The following GIPC3 variants were observed in gnomAD, a reference collection of about 807,000 sequenced individuals.
GIPC3 encodes the protein PDZ domain-containing protein GIPC3.
A neutral mutation model predicts 27.3 loss-of-function variants in GIPC3; 16 were observed. The ratio of observed to expected loss-of-function variants is 0.59; its 90% CI spans 0.40 to 0.89. The LOEUF (loss-of-function observed/expected upper bound fraction) is 0.89, where lower values mean the gene tolerates loss of function less well. Among genes scored for constraint, GIPC3 ranks in the 40% least tolerant of loss-of-function variants. The pLI, the probability that GIPC3 is intolerant of heterozygous loss-of-function variation, is 0.00. For synonymous variants in GIPC3, 194 were observed against 184.6 expected (o/e 1.05, Z -0.41); for missense variants, 440 against 442.1 (o/e 1.00, Z 0.04).
Position 3,591,232 on chromosome 19 carries a change from C to A in GIPC3, c.*1042C>A. 1 of 1,232,950 alleles carries A rather than the reference C, an allele frequency of 8.1e-7. No individual in the cohort carries two copies. Among genetic ancestry groups the A allele is most frequent in the Non-Finnish European group, 1.0e-6 (1 of 988,582 alleles). 76.4% of individuals were successfully genotyped at this position (1,232,950 alleles called of 1,614,324 possible). A position where few individuals can be genotyped will look rare whatever the true frequency, so the allele number is the denominator to read the frequency against. On this transcript the variant is annotated 3_prime_UTR_variant, in exon 6 of 6. Transcript: ENST00000644452. ...TCTGAGGCCAAACCCAGCTCTAGAACCCAGATAAGATCTGAGACCAAGCCC... is the reference window on the plus strand; with the variant it reads ...TCTGAGGCCAAACCCAGCTCTAGAAACCAGATAAGATCTGAGACCAAGCCC...
In GIPC3 at chr19:3,591,006, A is replaced by G; in HGVS notation, c.*816A>G. On this transcript the variant is annotated 3_prime_UTR_variant, in exon 6 of 6. Coordinates refer to ENST00000644452, the MANE Select transcript of GIPC3 (RefSeq NM_133261.3). ...CCAGGCCAGCTCCGAGACCAAGCCC[A>G]GCTCTAGAACCCAGATAAGCTCTGA... 1 of 1,233,612 alleles carries G rather than the reference A, an allele frequency of 8.1e-7. No individual in the cohort carries two copies. The highest frequency in any genetic ancestry group is 1.0e-6 in the Non-Finnish European group (1 of 989,112). 76.4% of individuals were successfully genotyped at this position (1,233,612 alleles called of 1,614,324 possible).
rs2032502877 is a variant in GIPC3, at chr19:3,592,411, G to GTTCGGGAACCCAGCTGAT, written c.*2225_*2242dup. ...CAAGCCAGCTCTGGAAGTCAGCTTA[G>GTTCGGGAACCCAGCTGAT]TTCGGGAACCCAGCTGATTTCCGGA... On this transcript the variant is annotated 3_prime_UTR_variant, in exon 6 of 6. Coordinates refer to ENST00000644452, the MANE Select transcript of GIPC3 (RefSeq NM_133261.3). 2 of 1,232,064 alleles carry GTTCGGGAACCCAGCTGAT rather than the reference G, an allele frequency of 1.6e-6. No homozygotes were observed. The highest frequency in any genetic ancestry group is 2.0e-6 in the Non-Finnish European group (2 of 987,980). 76.3% of individuals were successfully genotyped at this position (1,232,064 alleles called of 1,614,324 possible).
rs779520578 is a variant in GIPC3, at chr19:3,586,847, G to T, written c.445G>T (p.Glu149Ter). Residue 149 changes from glutamate to a stop codon, truncating the protein, a stop_gained, in exon 3 of 6, where the codon GAG (glutamate) becomes TAG (stop). Transcript: ENST00000644452. LOFTEE classifies it high-confidence loss of function. ...GGAAGGCAGTATCATCAACCGGATC[G>T]AGGCAGTGTGCGTGGGTGACAGCAT... is the stretch of plus-strand genomic sequence containing the variant. ...IKEGSIINRI[E>*]AVCVGDSIEA... The T allele has an allele frequency of 6.2e-7, 1 of 1,613,526 alleles. No individual in the cohort carries two copies. The highest frequency in any genetic ancestry group is 8.5e-7 in the Non-Finnish European group (1 of 1,179,998).
Position 3,592,886 on chromosome 19 carries a change from T to C in GIPC3, c.*2696T>C. ...GCCCACAGACCCCTGGCCTTGACCC[T>C]AGAATCCAGCTTGAGGCCCCTGCCC... On this transcript the variant is annotated 3_prime_UTR_variant, in exon 6 of 6. Transcript: ENST00000644452. The C allele has an allele frequency of 8.1e-7, 1 of 1,232,122 alleles. No individual in the cohort carries two copies. The highest frequency in any genetic ancestry group is 1.0e-6 in the Non-Finnish European group (1 of 988,142). The allele number at this position is 1,232,122 out of a possible 1,614,324, so 76.3% of individuals were successfully genotyped here. A position where few individuals can be genotyped will look rare whatever the true frequency, so the allele number is the denominator to read the frequency against.
rs2032515558 is a variant in GIPC3, at chr19:3,592,986, C to T, written c.*2796C>T. 2 of 1,197,950 alleles carry T rather than the reference C, an allele frequency of 1.7e-6. No individual in the cohort carries two copies. The highest frequency in any genetic ancestry group is 2.1e-6 in the Non-Finnish European group (2 of 968,870). The allele number at this position is 1,197,950 out of a possible 1,614,324, so 74.2% of individuals were successfully genotyped here. On this transcript the variant is annotated 3_prime_UTR_variant, in exon 6 of 6. Transcript: ENST00000644452. ...CCCTAGCAAAGACCCCCAGCCTCTG[C>T]CTCAGCCCCATGATCAGGTATGTGG... is the stretch of plus-strand genomic sequence containing the variant.
At chr19:3,586,295 G>C (rs2032362807) in intron 1 of GIPC3, among the ~76,000 whole-genome samples, 200 bp from the exon 2 acceptor site, 1 of 152,076 alleles carries the variant, frequency 6.6e-6, no homozygotes, top group African/African-American at 2.4e-5. Flanking sequence ...CTGGGGGCTG[G>C]AGGTCCCGGG....
chr19:3,587,658 T>TTTTTTTTTTCC (rs1195508162), intron 3 of GIPC3, among the ~76,000 whole-genome samples: 7 of 112,314 alleles, frequency 6.2e-5, no homozygotes, highest in South Asian at 3.3e-4. Context: ...GTTTTCTTTC[T>TTTTTTTTTTCC]TTTCTTTTTT....
chr19:3,588,831 C>G (rs947984673), intron 3 of GIPC3, among the ~76,000 whole-genome samples: 2 of 151,762 alleles, frequency 1.3e-5, no homozygotes, highest in Non-Finnish European at 2.9e-5. Context: ...GTAATCCCAG[C>G]TACTCGAGAG....
chr19:3,591,317 TGAC>T lies in GIPC3; in HGVS notation c.*1128_*1130del, dbSNP rs1166457245. ...ACATCTCTAGAATCCAGCTGAGCCC[TGAC>T]AACAAGCCAAACTCTGGAACCCAGA... On this transcript the variant is annotated 3_prime_UTR_variant, in exon 6 of 6. Transcript: ENST00000644452. The T allele has an allele frequency of 1.6e-6, 2 of 1,232,328 alleles. No homozygotes were observed. The highest frequency in any genetic ancestry group is 3.1e-5 in the African/African-American group (2 of 64,364). 76.3% of individuals were successfully genotyped at this position (1,232,328 alleles called of 1,614,324 possible).
At chr19:3,586,701 G>T in intron 2 of GIPC3, 21 bp downstream of exon 2, 1 of 1,608,636 alleles carries the variant, frequency 6.2e-7, no homozygotes, top group South Asian at 1.1e-5. Context: ...GGGGGTGGGC[G>T]GGTGGCTTCC....
chr19:3,589,401 C>G, intron 3 of GIPC3, 42 bp from the exon 4 acceptor site: 1 of 1,443,368 alleles, frequency 6.9e-7, no homozygotes, highest in South Asian at 1.1e-5. Context: ...AGATGTGGCT[C>G]CACCCAGAAC....
intron 3 of GIPC3, among the ~76,000 whole-genome samples, 175 bp downstream of exon 3, chr19:3,587,169 T>C (rs1051851821): frequency 6.8e-6 from 1 of 147,490 alleles, no homozygotes; most frequent in Non-Finnish European, 1.5e-5. Context: ...TAGATTGTTA[T>C]GGAGTCAGCC....
At chr19:3,588,480 G>T (rs912581999) in intron 3 of GIPC3, among the ~76,000 whole-genome samples, 2 of 151,976 alleles carry the variant, frequency 1.3e-5, no homozygotes, top group Admixed American at 6.6e-5. Context: ...GGGAGAGTGA[G>T]CTGTATGGGG....
Position 3,586,525 on chromosome 19 carries a change from G to C in GIPC3, c.256G>C (p.Val86Leu). Residue 86 changes from valine to leucine, a missense_variant, in exon 2 of 6, where the codon GTG (valine) becomes CTG (leucine). Val to Leu is a conservative substitution (Grantham distance 32). Coordinates refer to ENST00000644452, the MANE Select transcript of GIPC3 (RefSeq NM_133261.3). ...ILFCTLNSHKVDMQKLLGGQI... is the reference protein window; with the variant it reads ...ILFCTLNSHKLDMQKLLGGQI... ...ATTCTGCACCCTCAACAGCCACAAA[G>C]TGGACATGCAGAAGCTCCTGGGGGG... 1 of 1,613,920 alleles carries C rather than the reference G, an allele frequency of 6.2e-7. No individual in the cohort carries two copies. Among genetic ancestry groups the C allele is most frequent in the South Asian group, 1.1e-5 (1 of 91,090 alleles).
rs370361498 is a variant in GIPC3, at chr19:3,589,780, T to C, written c.706-51T>C. ...GGTGGGGGTCGGGAGGGGGCTGGGCTGGAGGGCTCCAAAGCTTTTCACCCC... is the reference window on the plus strand; with the variant it reads ...GGTGGGGGTCGGGAGGGGGCTGGGCCGGAGGGCTCCAAAGCTTTTCACCCC... On this transcript the variant is annotated intron_variant, in intron 4 of 5. Coordinates refer to ENST00000644452, the MANE Select transcript of GIPC3 (RefSeq NM_133261.3). 9.8e-5 allele frequency: 155 copies of C among 1,574,848 alleles called. 2 individuals carry two copies. In the African/African-American group the frequency reaches 1.8e-3, roughly 18 times the overall value.
rs1176453538 is a variant in GIPC3, at chr19:3,593,075, A to G, written c.*2885A>G. 7 of 1,232,142 alleles carry G rather than the reference A, an allele frequency of 5.7e-6. No homozygotes were observed. Among genetic ancestry groups the G allele is most frequent in the Non-Finnish European group, 7.1e-6 (7 of 988,406 alleles). 76.3% of individuals were successfully genotyped at this position (1,232,142 alleles called of 1,614,324 possible). On this transcript the variant is annotated 3_prime_UTR_variant, in exon 6 of 6. Transcript: ENST00000644452. ...AAGCCTCCTACCTGGCCCCACAGTC[A>G]CAGGTCTCCTCAACCCCCCAGAAGC...
In GIPC3 at chr19:3,589,311, T is replaced by C. The variant is rs1599864107; in HGVS notation, c.593-132T>C. 5.5e-6 allele frequency: 4 copies of C among 723,240 alleles called. No homozygotes were observed. In the Admixed American group the frequency reaches 8.0e-5, roughly 15 times the overall value. The allele number at this position is 723,240 out of a possible 1,614,324, so 44.8% of individuals were successfully genotyped here. A position where few individuals can be genotyped will look rare whatever the true frequency, so the allele number is the denominator to read the frequency against. On this transcript the variant is annotated intron_variant, in intron 3 of 5. Transcript: ENST00000644452. ...AATCTCGAATAGGTCTCTGGAGACTTGCCGTACAGATGTAAGGAGGACTTT... is the reference window on the plus strand; with the variant it reads ...AATCTCGAATAGGTCTCTGGAGACTCGCCGTACAGATGTAAGGAGGACTTT...
Position 3,591,246 on chromosome 19 carries a change from G to C in GIPC3, c.*1056G>C. On this transcript the variant is annotated 3_prime_UTR_variant, in exon 6 of 6. Coordinates refer to ENST00000644452, the MANE Select transcript of GIPC3 (RefSeq NM_133261.3). ...CAGCTCTAGAACCCAGATAAGATCTGAGACCAAGCCCTGCTCTGAAGCCCA... is the reference window on the plus strand; with the variant it reads ...CAGCTCTAGAACCCAGATAAGATCTCAGACCAAGCCCTGCTCTGAAGCCCA... The C allele has an allele frequency of 8.1e-7, 1 of 1,232,836 alleles. No individual in the cohort carries two copies. Among genetic ancestry groups the C allele is most frequent in the Non-Finnish European group, 1.0e-6 (1 of 988,510 alleles). 76.4% of individuals were successfully genotyped at this position (1,232,836 alleles called of 1,614,324 possible). A position where few individuals can be genotyped will look rare whatever the true frequency, so the allele number is the denominator to read the frequency against.
Position 3,585,754 on chromosome 19 carries a change from G to A in GIPC3, c.157G>A (p.Glu53Lys), listed in dbSNP as rs374498818. 1 of 1,546,192 alleles carries A rather than the reference G, an allele frequency of 6.5e-7. No homozygotes were observed. The change falls in exon 1 of 6, where the codon GAG (glutamate) becomes AAG (lysine). Residue 53 changes from glutamate (E) to lysine (K), a missense_variant. By Grantham distance (56) the Glu-to-Lys change is moderately conservative. Coordinates refer to ENST00000644452, the MANE Select transcript of GIPC3 (RefSeq NM_133261.3). ...GCACGGGAGCCCCACGGGCAAGATCGAGGGCTTCACCAACGTCCGCGAGCT... is the reference window on the plus strand; with the variant it reads ...GCACGGGAGCCCCACGGGCAAGATCAAGGGCTTCACCAACGTCCGCGAGCT... ...LAHGSPTGKI[E>K]GFTNVRELYA...
Sources: allele counts gnomAD v4.1 joint callset (sites outside exome capture counted in the v4.1 genomes callset), GRCh38; gene constraint gnomAD v4.1.1; transcripts MANE v1.5; gene names NCBI Gene and HGNC (gene_info 2026-07-23, HGNC 2026-07-21).